The following AGAP1 variants were observed in gnomAD, a reference collection of about 807,000 sequenced individuals.
The protein encoded by AGAP1 is ArfGAP with GTPase domain, ankyrin repeat and PH domain 1, also known as arf-GAP with GTPase, ANK repeat and PH domain-containing protein 1.
AGAP1 carries 29 observed loss-of-function variants against 105.3 expected under a neutral mutation model. The observed-to-expected ratio is 0.28, with a 90% CI of 0.21 to 0.38. The LOEUF (loss-of-function observed/expected upper bound fraction) is 0.38, where lower values mean the gene tolerates loss of function less well. Ranked by LOEUF, AGAP1 falls within the 10% of genes least tolerant of loss-of-function variation. AGAP1 has a pLI of 1.00. For synonymous variants in AGAP1, 509 were observed against 485.9 expected (o/e 1.05, Z -0.63); for missense variants, 998 against 1,165.1 (o/e 0.86, Z 2.09).
At chr2:235,573,915 G>C (rs889580284) in intron 1 of AGAP1, among the ~76,000 whole-genome samples, 4 of 152,240 alleles carry the variant, frequency 2.6e-5, no homozygotes, top group African/African-American at 9.6e-5. Flanking sequence ...GCTGGCTCCT[G>C]GCAGAGCCTC....
In AGAP1 at chr2:235,664,875, C is replaced by G. The variant is rs1948077487; in HGVS notation, c.164-44304C>G. 6.6e-6 allele frequency among the ~76,000 whole-genome samples: 1 copy of G among 152,108 alleles called. No homozygotes were observed. Among genetic ancestry groups the G allele is most frequent in the South Asian group, 2.1e-4 (1 of 4,820 alleles). Reference sequence around the variant, plus strand: ...AACCCTTAGCCAGGTGCAGGCGTAACAAGGGAGACCCACCTGTGCAATATA... The same window carrying G: ...AACCCTTAGCCAGGTGCAGGCGTAAGAAGGGAGACCCACCTGTGCAATATA... On this transcript the variant is annotated intron_variant, in intron 1 of 17. Coordinates refer to ENST00000304032, the MANE Select transcript of AGAP1 (RefSeq NM_001037131.3). The surrounding 1 kb of genome is among the most constrained non-coding windows in gnomAD (Gnocchi z 5.7).
chr2:235,853,052 G>C (rs1056325348), intron 9 of AGAP1: 12 of 1,239,160 alleles, frequency 9.7e-6, no homozygotes, highest in Non-Finnish European at 1.2e-5. Flanking sequence ...TTCTATAGCG[G>C]GCAATTCAGT....
intron 9 of AGAP1, among the ~76,000 whole-genome samples, chr2:235,810,196 T>C (rs1958058922): frequency 6.6e-6 from 1 of 152,212 alleles, no homozygotes; most frequent in East Asian, 1.9e-4. Flanking sequence ...CAGCAACATA[T>C]TTCTCCAGGG....
intron 1 of AGAP1, among the ~76,000 whole-genome samples, chr2:235,653,524 C>A (rs199787876): frequency 1.9e-5 from 2 of 107,024 alleles, no homozygotes; most frequent in African/African-American, 3.7e-5. Context: ...CATAACATAA[C>A]ATAAAATAAA....
intron 5 of AGAP1, among the ~76,000 whole-genome samples, chr2:235,746,413 A>C (rs1406946185): frequency 3.4e-5 from 1 of 29,404 alleles, no homozygotes; most frequent in East Asian, 6.9e-4. Context: ...TTTTTTTTTA[A>C]AGCGTACGTG....
intron 10 of AGAP1, among the ~76,000 whole-genome samples, chr2:235,892,951 G>T (rs944815054): frequency 6.6e-6 from 1 of 152,240 alleles, no homozygotes; most frequent in Non-Finnish European, 1.5e-5. Flanking sequence ...ACTGAGAAGA[G>T]CGTAGTCAGA....
intron 1 of AGAP1, among the ~76,000 whole-genome samples, chr2:235,668,286 A>G (rs369167330): frequency 3.9e-5 from 6 of 152,368 alleles, no homozygotes; most frequent in African/African-American, 7.2e-5. Flanking sequence ...TTCCTAGGCT[A>G]TAACTTCTAT....
At chr2:235,541,899 T>G (rs1020867646) in intron 1 of AGAP1, among the ~76,000 whole-genome samples, 26 of 152,342 alleles carry the variant, frequency 1.7e-4, no homozygotes, top group Admixed American at 5.2e-4. Flanking sequence ...CACGTCGCTA[T>G]AGTTCATCCA....
Position 236,073,733 on chromosome 2 carries a change from A to G in AGAP1, c.2114+24452A>G, listed in dbSNP as rs2058563384. Among the ~76,000 whole-genome samples, 1 of 152,162 alleles carries G rather than the reference A, an allele frequency of 6.6e-6. No homozygotes were observed. Among genetic ancestry groups the G allele is most frequent in the African/African-American group, 2.4e-5 (1 of 41,440 alleles). On this transcript the variant is annotated intron_variant, in intron 16 of 17. Coordinates refer to ENST00000304032, the MANE Select transcript of AGAP1 (RefSeq NM_001037131.3). This position sits in a 1 kb window ranked among gnomAD's most constrained non-coding sequence, Gnocchi z 5.4. ...TTAACCTTTTGTAACTTGTAACTTC[A>G]TTGGTGGTGGGGGTACAGGCAGGTC... is the stretch of plus-strand genomic sequence containing the variant.
In AGAP1 at chr2:236,012,842, G is replaced by A. The variant is rs1030067872; in HGVS notation, c.1646-23719G>A. ...CGCCCAGGCTGGAGTGCAGTGGTAC[G>A]ATCTCAGCTCACTGCAACCTCCGCC... On this transcript the variant is annotated intron_variant, in intron 13 of 17. Transcript: ENST00000304032. This position sits in a 1 kb window ranked among gnomAD's most constrained non-coding sequence, Gnocchi z 4.9. 6.6e-6 allele frequency among the ~76,000 whole-genome samples: 1 copy of A among 152,116 alleles called. No individual in the cohort carries two copies. Among genetic ancestry groups the A allele is most frequent in the Admixed American group, 6.5e-5 (1 of 15,280 alleles).
chr2:235,686,552 TATATAC>T lies in AGAP1; in HGVS notation c.164-22625_164-22620del, dbSNP rs1288981339. Reference sequence around the variant, plus strand: ...TTCTGGTTCCCAGGAAGGAGATATATATATACACACACACACACACACACACACACA... The same window carrying T: ...TTCTGGTTCCCAGGAAGGAGATATATACACACACACACACACACACACACA... On this transcript the variant is annotated intron_variant, in intron 1 of 17. Coordinates refer to ENST00000304032, the MANE Select transcript of AGAP1 (RefSeq NM_001037131.3). Among the ~76,000 whole-genome samples the T allele has an allele frequency of 6.4e-3, 348 of 54,332 alleles. 3 individuals carry two copies. The highest frequency in any genetic ancestry group is 0.02 in the African/African-American group (318 of 16,264). The allele number at this position is 54,332 out of a possible 152,430, so 35.6% of individuals were successfully genotyped here.
intron 7 of AGAP1, 84 bp downstream of exon 7, chr2:235,797,970 T>TC: frequency 6.7e-7 from 1 of 1,501,464 alleles, no homozygotes; most frequent in Non-Finnish European, 9.0e-7. Context: ...TAAGGTTGAT[T>TC]TTTTTTTTCT....
Position 235,494,361 on chromosome 2 carries a change from A to T in AGAP1, c.-326A>T, listed in dbSNP as rs1486310609. ...TAGGGCTGGAAGGCGGCTGCGGCTC[A>T]GGAAGTCACCCGAGCAAGCCTCCTT... On this transcript the variant is annotated 5_prime_UTR_variant, in exon 1 of 18. Transcript: ENST00000304032. 7.0e-6 allele frequency: 1 copy of T among 142,630 alleles called. No individual in the cohort carries two copies. Among genetic ancestry groups the T allele is most frequent in the Non-Finnish European group, 1.6e-5 (1 of 64,438 alleles). 8.8% of individuals were successfully genotyped at this position (142,630 alleles called of 1,614,324 possible).
chr2:235,879,325 G>T lies in AGAP1; in HGVS notation c.1051-4020G>T, dbSNP rs73126477. On this transcript the variant is annotated intron_variant, in intron 9 of 17. Coordinates refer to ENST00000304032, the MANE Select transcript of AGAP1 (RefSeq NM_001037131.3). This position sits in a 1 kb window ranked among gnomAD's most constrained non-coding sequence, Gnocchi z 5.0. ...AGACCACAGCCATGACATGGCAAGC[G>T]GGGCAGCCAAGTGGCTCTTGGTCGC... 1.3e-5 allele frequency among the ~76,000 whole-genome samples: 2 copies of T among 152,196 alleles called. No individual in the cohort carries two copies. The highest frequency in any genetic ancestry group is 2.9e-5 in the Non-Finnish European group (2 of 68,034).
At chr2:235,853,142 G>A (rs985177213) in intron 9 of AGAP1, 19 of 1,165,050 alleles carry the variant, frequency 1.6e-5, no homozygotes, top group Middle Eastern at 6.8e-4. Context: ...ATTTACTGGC[G>A]CTTTGCATGT....
In AGAP1 at chr2:236,092,075, T is replaced by G. The variant is rs957798346; in HGVS notation, c.2115-28117T>G. 1.3e-5 allele frequency among the ~76,000 whole-genome samples: 2 copies of G among 152,210 alleles called. No individual in the cohort carries two copies. The highest frequency in any genetic ancestry group is 4.8e-5 in the African/African-American group (2 of 41,452). ...TGTATCACTGTTGATATTACAGAATTACGGAGCTAGAGAACAGGTTAGTGG... is the reference window on the plus strand; with the variant it reads ...TGTATCACTGTTGATATTACAGAATGACGGAGCTAGAGAACAGGTTAGTGG... On this transcript the variant is annotated intron_variant, in intron 16 of 17. Coordinates refer to ENST00000304032, the MANE Select transcript of AGAP1 (RefSeq NM_001037131.3). The surrounding 1 kb of genome is among the most constrained non-coding windows in gnomAD (Gnocchi z 4.7).
rs2125697250 is a variant in AGAP1, at chr2:236,045,532, G to A, written c.1892-3527G>A. 6.6e-6 allele frequency among the ~76,000 whole-genome samples: 1 copy of A among 152,236 alleles called. No individual in the cohort carries two copies. Among genetic ancestry groups the A allele is most frequent in the East Asian group, 1.9e-4 (1 of 5,194 alleles). ...AGCAAGAGGCTTGCAGAGGACAAAGGTGGAAAGGCAGTGCTAGCAGGTGGC... is the reference window on the plus strand; with the variant it reads ...AGCAAGAGGCTTGCAGAGGACAAAGATGGAAAGGCAGTGCTAGCAGGTGGC... On this transcript the variant is annotated intron_variant, in intron 15 of 17. Coordinates refer to ENST00000304032, the MANE Select transcript of AGAP1 (RefSeq NM_001037131.3). The surrounding 1 kb of genome is among the most constrained non-coding windows in gnomAD (Gnocchi z 6.9).
chr2:236,027,328 TG>T lies in AGAP1; in HGVS notation c.1646-9231del, dbSNP rs929459442. ...ATAGCTGGATTCCACTCGGCAGTGT[TG>T]GTGTAGAGTGGCCTTAATTAGGCTC... is the stretch of plus-strand genomic sequence containing the variant. On this transcript the variant is annotated intron_variant, in intron 13 of 17. Coordinates refer to ENST00000304032, the MANE Select transcript of AGAP1 (RefSeq NM_001037131.3). The surrounding 1 kb of genome is among the most constrained non-coding windows in gnomAD (Gnocchi z 4.4). Among the ~76,000 whole-genome samples the T allele has an allele frequency of 6.6e-6, 1 of 152,144 alleles. No homozygotes were observed. Among genetic ancestry groups the T allele is most frequent in the African/African-American group, 2.4e-5 (1 of 41,428 alleles).
At position 236,109,775 on chromosome 2, in the gene AGAP1, C is replaced by T. The variant is rs191540420; in HGVS notation, c.2115-10417C>T. 6.0e-4 allele frequency among the ~76,000 whole-genome samples: 91 copies of T among 152,376 alleles called. No individual in the cohort carries two copies. The highest frequency in any genetic ancestry group is 2.1e-3 in the African/African-American group (87 of 41,590). ...AGCACTGGAAATGTGTCTAAAGGAA[C>T]TGTGTTTTTAATGTTATTTTGTTTC... On this transcript the variant is annotated intron_variant, in intron 16 of 17. Transcript: ENST00000304032. The surrounding 1 kb of genome is among the most constrained non-coding windows in gnomAD (Gnocchi z 5.4).
Sources: allele counts gnomAD v4.1 joint callset (sites outside exome capture counted in the v4.1 genomes callset), GRCh38; gene constraint gnomAD v4.1.1; non-coding constraint Gnocchi (gnomAD v3.1); transcripts MANE v1.5; gene names NCBI Gene and HGNC (gene_info 2026-07-23, HGNC 2026-07-21).